The following PPP1R9A variants were observed in gnomAD, a reference collection of about 807,000 sequenced individuals.
The protein encoded by PPP1R9A is neurabin-1.
In PPP1R9A, 59 loss-of-function variants were observed where a neutral mutation model predicts 141.9. That is an observed-to-expected ratio of 0.42 (90% CI 0.34 to 0.52). The LOEUF (loss-of-function observed/expected upper bound fraction) is 0.52. Among genes scored for constraint, PPP1R9A ranks in the 20% least tolerant of loss-of-function variants. The pLI is 0.10. For synonymous variants in PPP1R9A, 500 were observed against 569.7 expected (o/e 0.88, Z 1.74); for missense variants, 1,444 against 1,611.9 (o/e 0.90, Z 1.78).
rs147592501 is a variant in PPP1R9A, at chr7:95,023,575, A to G, written c.1396-87684A>G. ...TAGTTCTTTTTTTTGTTTGTTTGAG[A>G]TGGAGTCTTGCTCTGTTGCCCAGGC... On this transcript the variant is annotated intron_variant, in intron 2 of 19. Transcript: ENST00000433360. 5.1e-3 allele frequency among the ~76,000 whole-genome samples: 780 copies of G among 151,564 alleles called. 8 individuals are homozygous for G. The highest frequency in any genetic ancestry group is 0.017 in the African/African-American group (721 of 41,270).
intron 12 of PPP1R9A, among the ~76,000 whole-genome samples, chr7:95,254,321 G>A (rs1001456694): frequency 3.3e-5 from 5 of 152,098 alleles, no homozygotes; most frequent in Non-Finnish European, 5.9e-5. Context: ...AAAATGGCGT[G>A]GTCAGTAGCT....
intron 2 of PPP1R9A, among the ~76,000 whole-genome samples, chr7:94,942,538 G>T (rs1795443372): frequency 6.6e-6 from 1 of 152,042 alleles, no homozygotes; most frequent in Admixed American, 6.6e-5. Context: ...AGAGCAAGTA[G>T]TTGTCTGCCT....
At chr7:95,262,336 G>C (rs1170607017) in intron 12 of PPP1R9A, among the ~76,000 whole-genome samples, 1 of 152,104 alleles carries the variant, frequency 6.6e-6, no homozygotes, top group Non-Finnish European at 1.5e-5. Flanking sequence ...CTGGCTTTTA[G>C]GTTATGCAGA....
At chr7:95,211,853 ATTG>A (rs1792207423) in intron 7 of PPP1R9A, among the ~76,000 whole-genome samples, 1 of 152,126 alleles carries the variant, frequency 6.6e-6, no homozygotes, top group African/African-American at 2.4e-5. Flanking sequence ...CCGGCATGGC[ATTG>A]CTGCATGCCT....
intron 5 of PPP1R9A, among the ~76,000 whole-genome samples, chr7:95,163,085 T>A (rs1315243302): frequency 6.6e-6 from 1 of 152,228 alleles, no homozygotes; most frequent in East Asian, 1.9e-4. Flanking sequence ...CTTTCCCATG[T>A]CTGTATAGAA....
intron 2 of PPP1R9A, among the ~76,000 whole-genome samples, chr7:94,932,751 T>A (rs1794305824): frequency 6.8e-6 from 1 of 146,278 alleles, no homozygotes; most frequent in Admixed American, 7.0e-5. Flanking sequence ...GGCATTCCAA[T>A]CTACCTGAAG....
chr7:95,236,680 C>T (rs1796718877), intron 8 of PPP1R9A, among the ~76,000 whole-genome samples: 2 of 144,612 alleles, frequency 1.4e-5, no homozygotes, highest in South Asian at 2.2e-4. Context: ...CTAATTGTTT[C>T]TTCTTTGATT....
chr7:95,031,257 TG>T (rs1192865516), intron 2 of PPP1R9A, among the ~76,000 whole-genome samples: 2 of 152,196 alleles, frequency 1.3e-5, no homozygotes, highest in Non-Finnish European at 2.9e-5. Context: ...CGTTGGCAGC[TG>T]AATGTATAAC....
At chr7:95,104,571 C>T (rs1819250516) in intron 2 of PPP1R9A, among the ~76,000 whole-genome samples, 1 of 152,074 alleles carries the variant, frequency 6.6e-6, no homozygotes, top group African/African-American at 2.4e-5. Context: ...CCAGTGTTTA[C>T]CCTAAATTGT....
chr7:94,970,340 G>A (rs764482273), intron 2 of PPP1R9A, among the ~76,000 whole-genome samples: 58 of 152,186 alleles, frequency 3.8e-4, no homozygotes, highest in Non-Finnish European at 7.6e-4. Context: ...TATAGTATCT[G>A]GGCTGGAGTG....
rs13224383 is a variant in PPP1R9A at position 95,236,474 on chromosome 7, T to C, written c.2112+10358T>C. ...GGGACGATTTTGGTATTTTGCATTT[T>C]TCAAGAAATGTAGATATTTCCTTTA... is the stretch of plus-strand genomic sequence containing the variant. On this transcript the variant is annotated intron_variant, in intron 8 of 19. Transcript: ENST00000433360. Among the ~76,000 whole-genome samples the C allele has an allele frequency of 4.1e-3, 618 of 152,012 alleles. 1 individual carries two copies. The highest frequency in any genetic ancestry group is 6.8e-3 in the Middle Eastern group (2 of 292).
intron 2 of PPP1R9A, among the ~76,000 whole-genome samples, chr7:95,042,724 T>C (rs1054342303): frequency 3.3e-5 from 5 of 152,156 alleles, no homozygotes; most frequent in Non-Finnish European, 7.4e-5. Flanking sequence ...ATTTAGTCAA[T>C]AGGTTATTTT....
chr7:95,203,645 T>C lies in PPP1R9A; in HGVS notation c.1891-20T>C, dbSNP rs1036704057. 6.5e-7 allele frequency: 1 copy of C among 1,529,472 alleles called. No individual in the cohort carries two copies. Among genetic ancestry groups the C allele is most frequent in the Admixed American group, 2.0e-5 (1 of 50,646 alleles). 94.7% of individuals were successfully genotyped at this position (1,529,472 alleles called of 1,614,324 possible). ...GGTGGGGGTTAAGCCTTCTTTAATA[T>C]TTTTTGTCAACCATTTTAGAACACT... is the stretch of plus-strand genomic sequence containing the variant. On this transcript the variant is annotated intron_variant, in intron 6 of 19. Transcript: ENST00000433360.
At chr7:94,977,262 A>G (rs573760997) in intron 2 of PPP1R9A, among the ~76,000 whole-genome samples, 1 of 152,286 alleles carries the variant, frequency 6.6e-6, no homozygotes, top group East Asian at 1.9e-4. Flanking sequence ...GAATATAGGA[A>G]AAGAAGAGAT....
intron 2 of PPP1R9A, among the ~76,000 whole-genome samples, chr7:94,918,611 A>G (rs547582700): frequency 2.6e-5 from 4 of 152,208 alleles, no homozygotes; most frequent in East Asian, 1.9e-4. Flanking sequence ...TCATCATCCT[A>G]GAAAGAGACC....
intron 2 of PPP1R9A, among the ~76,000 whole-genome samples, chr7:95,041,832 T>C (rs766234116): frequency 5.3e-5 from 8 of 152,118 alleles, no homozygotes; most frequent in African/African-American, 1.4e-4. Flanking sequence ...CATTATTTCC[T>C]GAAAATTTTT....
At chr7:94,934,795 TG>T (rs1475209291) in intron 2 of PPP1R9A, among the ~76,000 whole-genome samples, 13 of 151,110 alleles carry the variant, frequency 8.6e-5, no homozygotes, top group African/African-American at 2.4e-4. Flanking sequence ...TTTTATCAAA[TG>T]TGTGTGTGTG....
intron 5 of PPP1R9A, chr7:95,174,879 G>A (rs973070902): frequency 1.3e-5 from 2 of 152,070 alleles, no homozygotes; most frequent in African/African-American, 4.8e-5. Flanking sequence ...TGGCATAGTT[G>A]GTGTACCTAT....
intron 2 of PPP1R9A, among the ~76,000 whole-genome samples, chr7:94,979,905 TA>T (rs149071582): frequency 0.011 from 1,709 of 152,256 alleles, 32 homozygotes; most frequent in African/African-American, 0.039. Context: ...ATGTTAAAGG[TA>T]TTTTTTTTTG....
Sources: gnomAD v4.1 joint callset for allele counts (sites outside exome capture counted in the v4.1 genomes callset) on GRCh38, gnomAD v4.1.1 for gene constraint, MANE v1.5 for transcripts, NCBI Gene and HGNC (gene_info 2026-07-23, HGNC 2026-07-21) for gene names.